Variants in FBXL13 observed in about 807,000 individuals in gnomAD.
FBXL13 encodes F-box and leucine-rich repeat protein 13.
FBXL13 carries 67 observed loss-of-function variants against 83.6 expected under a neutral mutation model. The ratio of observed to expected loss-of-function variants is 0.80; its 90% CI spans 0.66 to 0.98. The LOEUF (loss-of-function observed/expected upper bound fraction) is 0.98, where lower values mean the gene tolerates loss of function less well. FBXL13 is among the 50% of genes least tolerant of loss of function. The probability of loss-of-function intolerance (pLI) is 0.00; values close to 1 mark genes in which losing one functional copy is unlikely to be tolerated. For missense variants in FBXL13, 822 were observed against 866.5 expected (o/e 0.95, Z 0.64); for synonymous variants, 272 against 299.5 (o/e 0.91, Z 0.95).
In FBXL13 at chr7:102,989,639, C is replaced by T. The variant is rs529867432; in HGVS notation, c.496-21522G>A. On this transcript the variant is annotated intron_variant, in intron 6 of 19. Transcript: ENST00000313221. Reference sequence around the variant, plus strand: ...GGAGGCCTGCAGTTGTTCAGCTGTGCAGTGACCGAGGGGCGAGTCTATCTG... The same window carrying T: ...GGAGGCCTGCAGTTGTTCAGCTGTGTAGTGACCGAGGGGCGAGTCTATCTG... 3.9e-5 allele frequency among the ~76,000 whole-genome samples: 6 copies of T among 152,310 alleles called. No homozygotes were observed. The South Asian group carries it at 1.2e-3, about 32-fold the overall frequency.
At chr7:103,074,632 C>G, upstream of FBXL13, 1 of 1,268,052 alleles carries the variant, frequency 7.9e-7, no homozygotes, top group Non-Finnish European at 1.0e-6. Flanking sequence ...GAAGTCTTTC[C>G]TGACTCCTCC....
intron 1 of FBXL13, among the ~76,000 whole-genome samples, chr7:103,062,475 T>C (rs776394033): frequency 2.0e-4 from 31 of 152,116 alleles, no homozygotes; most frequent in Non-Finnish European, 3.8e-4. Context: ...ATTAAGCTAA[T>C]TCCCACAGTG....
At chr7:103,012,171 T>C (rs1028549146) in intron 6 of FBXL13, among the ~76,000 whole-genome samples, 1 of 151,004 alleles carries the variant, frequency 6.6e-6, no homozygotes, top group African/African-American at 2.4e-5. Flanking sequence ...AGGTCAGGAG[T>C]TCGAGACTAG....
chr7:102,833,822 A>C (rs1801174976), intron 17 of FBXL13, among the ~76,000 whole-genome samples: 1 of 151,980 alleles, frequency 6.6e-6, no homozygotes, highest in African/African-American at 2.4e-5. Flanking sequence ...AAAGGCCTGG[A>C]AATCATTCCC....
chr7:102,813,732 C>G (rs1797615643), intron 19 of FBXL13, among the ~76,000 whole-genome samples: 1 of 152,134 alleles, frequency 6.6e-6, no homozygotes, highest in African/African-American at 2.4e-5. Flanking sequence ...TCTGATTCAG[C>G]CAGTTCAGAA....
intron 10 of FBXL13, among the ~76,000 whole-genome samples, chr7:102,921,392 A>ATTTTGTT (rs1427273740): frequency 4.6e-5 from 7 of 152,118 alleles, no homozygotes; most frequent in African/African-American, 1.7e-4. Flanking sequence ...TCTATAAGAA[A>ATTTTGTT]CTCTGGGCCG....
intron 17 of FBXL13, among the ~76,000 whole-genome samples, chr7:102,845,138 A>C (rs1208443522): frequency 6.6e-6 from 1 of 152,086 alleles, no homozygotes; most frequent in Admixed American, 6.6e-5. Flanking sequence ...CTCAATCTCC[A>C]GCCCCTCTCC....
At position 102,883,405 on chromosome 7, in the gene FBXL13, GA is replaced by G; in HGVS notation, c.1287del (p.His430ThrfsTer10). On this transcript the variant is annotated frameshift_variant, in exon 14 of 20. Coordinates refer to ENST00000313221, the Ensembl canonical transcript of FBXL13. LOFTEE classifies it high-confidence loss of function. ...CCCTTGCAGTCAGCCATATAAATGT[GA>G]CTGAGATTTGGATAATTCTTGTCTA... is the stretch of plus-strand genomic sequence containing the variant. 1 of 1,613,704 alleles carries G rather than the reference GA, an allele frequency of 6.2e-7. No homozygotes were observed. The highest frequency in any genetic ancestry group is 8.5e-7 in the Non-Finnish European group (1 of 1,179,842).
intron 2 of FBXL13, chr7:103,030,266 G>A (rs919741519): frequency 1.3e-5 from 2 of 152,096 alleles, no homozygotes; most frequent in African/African-American, 4.8e-5. Context: ...GCATACACAT[G>A]TTCATCATAG....
intron 6 of FBXL13, among the ~76,000 whole-genome samples, chr7:103,019,085 T>A (rs1364861927): frequency 6.6e-6 from 1 of 152,154 alleles, no homozygotes; most frequent in Non-Finnish European, 1.5e-5. Context: ...AAAGCACTCC[T>A]CAGGAAATGT....
Position 103,074,277 on chromosome 7 carries a change from G to A in FBXL13, c.-136C>T, listed in dbSNP as rs572952166. On this transcript the variant is annotated 5_prime_UTR_variant, in exon 1 of 20. Transcript: ENST00000313221. Reference sequence around the variant, plus strand: ...CAGAATCCAGCTCCTTATCTTAGGTGACTAGTGCCTACTCCCTACTTCTGA... The same window carrying A: ...CAGAATCCAGCTCCTTATCTTAGGTAACTAGTGCCTACTCCCTACTTCTGA... 18 of 1,006,626 alleles carry A rather than the reference G, an allele frequency of 1.8e-5. No individual in the cohort carries two copies. The South Asian group carries it at 5.8e-4, about 32-fold the overall frequency. 62.4% of individuals were successfully genotyped at this position (1,006,626 alleles called of 1,614,324 possible).
chr7:102,973,779 T>G, intron 6 of FBXL13: 2 of 761,896 alleles, frequency 2.6e-6, no homozygotes, highest in Non-Finnish European at 2.4e-6. Context: ...CTGGTAAGTT[T>G]CCCGGGAGCC....
intron 8 of FBXL13, among the ~76,000 whole-genome samples, chr7:102,954,256 T>C (rs113292178): frequency 3.6e-4 from 54 of 152,108 alleles, no homozygotes; most frequent in Admixed American, 1.9e-3. Context: ...TTAAAGAAAA[T>C]AATTTTCAAC....
chr7:102,883,446 G>A (rs1223951906), exon 14 of FBXL13: 1 of 1,612,092 alleles, frequency 6.2e-7, no homozygotes, highest in South Asian at 1.1e-5. Flanking sequence ...TTTGAAGGAT[G>A]CATCAGTAAC....
chr7:102,813,429 T>C (rs1252806871), exon 20 of FBXL13: 2 of 1,614,114 alleles, frequency 1.2e-6, no homozygotes, highest in Non-Finnish European at 1.7e-6. Flanking sequence ...TGTCAAGCTC[T>C]GTAACAGGGT....
intron 10 of FBXL13, among the ~76,000 whole-genome samples, 158 bp downstream of exon 11, chr7:102,926,116 C>T (rs974193664): frequency 2.0e-5 from 3 of 152,154 alleles, no homozygotes; most frequent in African/African-American, 7.2e-5. Context: ...CAGGCACCAG[C>T]TTAGGGACTT....
chr7:102,878,399 C>T (rs1294206812), exon 15 of FBXL13: 1 of 1,609,838 alleles, frequency 6.2e-7, no homozygotes, highest in Admixed American at 1.7e-5. Flanking sequence ...GCTCTCTTAT[C>T]CTCATGCTTG....
intron 8 of FBXL13, among the ~76,000 whole-genome samples, chr7:102,951,708 G>A (rs1471932493): frequency 6.6e-6 from 1 of 150,640 alleles, no homozygotes; most frequent in East Asian, 2.0e-4. Flanking sequence ...TTAGGTGGGA[G>A]GTGGGAGGAT....
chr7:102,876,970 A>G lies in FBXL13; in HGVS notation c.1635+497T>C, dbSNP rs146373227. On this transcript the variant is annotated intron_variant, in intron 16 of 19. Coordinates refer to ENST00000313221, the Ensembl canonical transcript of FBXL13. ...AATGGGGCAGTCCCAGAGGGATAAG[A>G]TGGATGTGGCCTGAGTCTCAACCCT... Among the ~76,000 whole-genome samples, 56 of 152,298 alleles carry G rather than the reference A, an allele frequency of 3.7e-4. No individual in the cohort carries two copies. In the East Asian group the frequency reaches 0.011, roughly 29 times the overall value.
Sources: allele counts gnomAD v4.1 joint callset (sites outside exome capture counted in the v4.1 genomes callset), GRCh38; gene constraint gnomAD v4.1.1; transcripts MANE v1.5; gene names NCBI Gene and HGNC (gene_info 2026-07-23, HGNC 2026-07-21).